The following SLC16A1 variants were observed in gnomAD, a reference collection of about 807,000 sequenced individuals.
SLC16A1 encodes the protein monocarboxylate transporter 1.
In SLC16A1, 11 loss-of-function variants were observed where a neutral mutation model predicts 32.2. The observed-to-expected ratio is 0.34, with a 90% CI of 0.21 to 0.56. SLC16A1 has a LOEUF of 0.56. SLC16A1 is among the 20% of genes least tolerant of loss of function. The pLI is 0.87. For synonymous variants in SLC16A1, 231 were observed against 226.8 expected (o/e 1.02, Z -0.17); for missense variants, 435 against 615.0 (o/e 0.71, Z 3.10).
intron 1 of SLC16A1, among the ~76,000 whole-genome samples, chr1:112,948,900 C>T (rs1179903130): frequency 3.3e-5 from 5 of 151,730 alleles, no homozygotes; most frequent in African/African-American, 4.8e-5. Flanking sequence ...GCGTGATCTC[C>T]GTTCACTGCA....
At chr1:112,923,957 C>G in intron 2 of SLC16A1, 1 of 1,502,840 alleles carries the variant, frequency 6.7e-7, no homozygotes, top group Non-Finnish European at 9.3e-7. Context: ...TGGCTGGGGA[C>G]CTGCTGACTG....
intron 1 of SLC16A1, among the ~76,000 whole-genome samples, chr1:112,952,686 G>C (rs1283494560): frequency 6.6e-6 from 1 of 152,132 alleles, no homozygotes; most frequent in Non-Finnish European, 1.5e-5. Context: ...GAGAGAAATC[G>C]TGTCGCTCAA....
At position 112,917,054 on chromosome 1, in the gene SLC16A1, G is replaced by A. The variant is rs71659381; in HGVS notation, c.1228+124C>T. 0.065 allele frequency: 78,134 copies of A among 1,201,022 alleles called. 2,991 individuals carry two copies. Among genetic ancestry groups the A allele is most frequent in the Middle Eastern group, 0.099 (482 of 4,882 alleles). 74.4% of individuals were successfully genotyped at this position (1,201,022 alleles called of 1,614,324 possible). A position where few individuals can be genotyped will look rare whatever the true frequency, so the allele number is the denominator to read the frequency against. On this transcript the variant is annotated intron_variant, in intron 4 of 4. Transcript: ENST00000369626. This position sits in a 1 kb window ranked among gnomAD's most constrained non-coding sequence, Gnocchi z 4.1. ...TGCCAAGCATTGTCCCAGCATCAAG[G>A]GTACATAAATGAGAAAGATTTATTC...
intron 1 of SLC16A1, among the ~76,000 whole-genome samples, chr1:112,930,877 T>C (rs1277442645): frequency 6.6e-6 from 1 of 151,952 alleles, no homozygotes; most frequent in East Asian, 1.9e-4. Context: ...CGCCATCACC[T>C]TTGACTGATT....
At chr1:112,938,275 C>G (rs558966122) in intron 1 of SLC16A1, among the ~76,000 whole-genome samples, 28 of 152,256 alleles carry the variant, frequency 1.8e-4, no homozygotes, top group African/African-American at 6.5e-4. Flanking sequence ...GGCTGATTTC[C>G]TGAAGCTATT....
At chr1:112,923,391 C>T in intron 2 of SLC16A1, 3 of 613,602 alleles carry the variant, frequency 4.9e-6, no homozygotes, top group South Asian at 1.7e-5. Context: ...CACGTTGCTC[C>T]CGGGCTGTCG....
intron 1 of SLC16A1, among the ~76,000 whole-genome samples, chr1:112,937,008 C>T (rs1025242748): frequency 1.3e-5 from 2 of 152,136 alleles, no homozygotes; most frequent in African/African-American, 2.4e-5. Context: ...CAGCAACAGC[C>T]TGAATTCTAA....
chr1:112,922,808 T>C (rs1354060790), intron 2 of SLC16A1, among the ~76,000 whole-genome samples: 1 of 152,134 alleles, frequency 6.6e-6, no homozygotes, highest in East Asian at 1.9e-4. Context: ...AACATGTTAG[T>C]AGAAAGTATG....
At position 112,929,191 on chromosome 1, in the gene SLC16A1, T is replaced by C. The variant is rs781114442; in HGVS notation, c.118A>G (p.Ile40Val). Residue 40 changes from isoleucine to valine, a missense_variant, in exon 2 of 5, where the codon ATT becomes GTT. By Grantham distance (29) the Ile-to-Val change is conservative. Around this residue, in one of 2 missense-constraint regions of SLC16A1, gnomAD observed 324 missense variants for 500.3 expected, o/e 0.65. Coordinates refer to ENST00000369626, the MANE Select transcript of SLC16A1 (RefSeq NM_003051.4). ...IGFSYAFPKS[I>V]TVFFKEIEGI... ...TCAATCTCTTTGAAGAAGACAGTAATTGATTTGGGAAATGCATAAGAGAAG... is the reference window on the plus strand; with the variant it reads ...TCAATCTCTTTGAAGAAGACAGTAACTGATTTGGGAAATGCATAAGAGAAG... 1.3e-5 allele frequency: 21 copies of C among 1,613,986 alleles called. No individual in the cohort carries two copies.
chr1:112,924,391 G>A, intron 2 of SLC16A1: 2 of 1,141,694 alleles, frequency 1.8e-6, no homozygotes, highest in Non-Finnish European at 2.7e-6. Flanking sequence ...AACCTCTTTT[G>A]TTTCTCACAC....
chr1:112,947,652 T>C (rs1649749505), intron 1 of SLC16A1, among the ~76,000 whole-genome samples: 1 of 152,236 alleles, frequency 6.6e-6, no homozygotes, highest in Non-Finnish European at 1.5e-5. Context: ...AACCATATTT[T>C]AAATATGTAT....
chr1:112,951,027 T>C (rs1649873575), intron 1 of SLC16A1, among the ~76,000 whole-genome samples: 1 of 151,560 alleles, frequency 6.6e-6, no homozygotes, highest in South Asian at 2.1e-4. Flanking sequence ...TTTATAAAAT[T>C]ATAATTTATA....
At chr1:112,946,647 G>C (rs111694639) in intron 1 of SLC16A1, among the ~76,000 whole-genome samples, 1 of 152,080 alleles carries the variant, frequency 6.6e-6, no homozygotes, top group Non-Finnish European at 1.5e-5. Context: ...TCCGCCCCTC[G>C]GGCTCAAGCA....
intron 4 of SLC16A1, among the ~76,000 whole-genome samples, chr1:112,916,675 T>C (rs1255034920): frequency 1.3e-5 from 2 of 151,276 alleles, no homozygotes; most frequent in Non-Finnish European, 2.9e-5. Context: ...TCACACCTGT[T>C]ACCCAGCACT....
intron 1 of SLC16A1, among the ~76,000 whole-genome samples, chr1:112,948,861 C>A (rs946029971): frequency 6.9e-6 from 1 of 144,354 alleles, no homozygotes; most frequent in East Asian, 2.1e-4. Context: ...GACAGAGTCT[C>A]GCTCTGTTGC....
intron 1 of SLC16A1, among the ~76,000 whole-genome samples, chr1:112,946,818 G>A (rs986217493): frequency 3.8e-4 from 58 of 152,184 alleles, no homozygotes; most frequent in African/African-American, 1.4e-3. Flanking sequence ...CTCCCAAAGC[G>A]CTGGGAGAAA....
At chr1:112,946,234 CA>C (rs140345510) in intron 1 of SLC16A1, among the ~76,000 whole-genome samples, 2 of 151,956 alleles carry the variant, frequency 1.3e-5, no homozygotes, top group African/African-American at 4.8e-5. Context: ...CATTTTGTGG[CA>C]AAAGTATCTT....
chr1:112,949,622 T>C (rs1649818863), intron 1 of SLC16A1, among the ~76,000 whole-genome samples: 1 of 152,186 alleles, frequency 6.6e-6, no homozygotes, highest in Non-Finnish European at 1.5e-5. Flanking sequence ...TAGACTCTGG[T>C]GCCAGGGATT....
chr1:112,913,902 T>C lies in SLC16A1; in HGVS notation c.1492A>G (p.Ser498Gly). ...TCAGCCCCATGGATTCAGACTGGAC[T>C]TTCCTCCTCCTTGGGCCCTCCATCT... ...DTDGGPKEEE[S>G]PV Residue 498 changes from serine to glycine, a missense_variant, in exon 5 of 5, where the codon AGT becomes GGT. Physicochemically the swap from Ser to Gly is moderately conservative, Grantham distance 56 (BLOSUM62 0). This residue lies in a region of SLC16A1 where 111 missense variants were observed against 114.7 expected (regional missense o/e 0.97). Transcript: ENST00000369626. 1 of 1,614,170 alleles carries C rather than the reference T, an allele frequency of 6.2e-7. No homozygotes were observed. The highest frequency in any genetic ancestry group is 8.5e-7 in the Non-Finnish European group (1 of 1,180,012).
Sources: allele counts gnomAD v4.1 joint callset (sites outside exome capture counted in the v4.1 genomes callset), GRCh38; gene constraint gnomAD v4.1.1; regional missense constraint gnomAD v4.1.1; non-coding constraint Gnocchi (gnomAD v3.1); transcripts MANE v1.5; gene names NCBI Gene and HGNC (gene_info 2026-07-23, HGNC 2026-07-21).